Variants in MSH3 observed in about 807,000 individuals in gnomAD.
MSH3 encodes mutS homolog 3.
A neutral mutation model predicts 123.3 loss-of-function variants in MSH3; 106 were observed. The ratio of observed to expected loss-of-function variants is 0.86; its 90% confidence interval spans 0.73 to 1.01. MSH3 has a LOEUF of 1.01. Among genes scored for constraint, MSH3 ranks in the 50% least tolerant of loss-of-function variants. The pLI is 0.00. For missense variants in MSH3, 1,459 were observed against 1,347.6 expected (o/e 1.08, Z -1.29); for synonymous variants, 515 against 481.4 (o/e 1.07, Z -0.91).
chr5:80,851,693 T>C (rs1189744049), intron 20 of MSH3, among the ~76,000 whole-genome samples: 2 of 152,208 alleles, frequency 1.3e-5, no homozygotes, highest in African/African-American at 4.8e-5. Context: ...TTCATCTATA[T>C]AGCTTGGTAT....
chr5:80,831,228 G>A (rs148558969), intron 20 of MSH3, among the ~76,000 whole-genome samples: 17 of 152,258 alleles, frequency 1.1e-4, no homozygotes, highest in East Asian at 1.9e-4. Context: ...AGAATGATAC[G>A]ATATAATTCT....
chr5:80,662,014 A>G (rs1389090646), intron 2 of MSH3, among the ~76,000 whole-genome samples: 4 of 152,222 alleles, frequency 2.6e-5, no homozygotes, highest in Non-Finnish European at 5.9e-5. Context: ...GACATTAGTA[A>G]CATTAAGAAT....
intron 8 of MSH3, chr5:80,715,146 GAAT>G: frequency 6.6e-6 from 1 of 152,146 alleles, no homozygotes; most frequent in East Asian, 1.9e-4. Context: ...TTTAAAATGG[GAAT>G]AATGCCGCCC....
At chr5:80,699,735 T>G (rs961500849) in intron 8 of MSH3, among the ~76,000 whole-genome samples, 1 of 152,296 alleles carries the variant, frequency 6.6e-6, no homozygotes, top group South Asian at 2.1e-4. Flanking sequence ...CCATTATGTT[T>G]ATTTCTTTAA....
chr5:80,715,307 A>G (rs928735761), intron 8 of MSH3: 7 of 152,174 alleles, frequency 4.6e-5, no homozygotes, highest in Non-Finnish European at 8.8e-5. Context: ...TCCCATCCTC[A>G]TGGATCCTAG....
At chr5:80,688,407 T>C (rs1260579905) in intron 8 of MSH3, among the ~76,000 whole-genome samples, 1 of 152,248 alleles carries the variant, frequency 6.6e-6, no homozygotes, top group African/African-American at 2.4e-5. Flanking sequence ...AAAAGTATTA[T>C]CTAACATGAT....
chr5:80,773,378 G>A (rs1460261585), intron 15 of MSH3, among the ~76,000 whole-genome samples: 2 of 152,176 alleles, frequency 1.3e-5, no homozygotes, highest in African/African-American at 4.8e-5. Context: ...AGCCAAAGGA[G>A]GCTTGTTAGA....
chr5:80,685,765 C>T (rs1750074768), intron 8 of MSH3, among the ~76,000 whole-genome samples: 1 of 151,544 alleles, frequency 6.6e-6, no homozygotes, highest in Non-Finnish European at 1.5e-5. Flanking sequence ...GAAATGTTTC[C>T]TCTTTTTTCA....
At chr5:80,854,029 G>C in intron 20 of MSH3, 101 bp from the exon 21 acceptor site, 1 of 971,278 alleles carries the variant, frequency 1.0e-6, no homozygotes, top group Non-Finnish European at 1.6e-6. Flanking sequence ...AAAATATATA[G>C]ATTCTTAGTG....
At chr5:80,745,098 G>A (rs894328827) in intron 12 of MSH3, among the ~76,000 whole-genome samples, 2 of 152,190 alleles carry the variant, frequency 1.3e-5, no homozygotes, top group Non-Finnish European at 2.9e-5. Context: ...GCTTAGAAGA[G>A]TAGAGTGAGT....
At position 80,670,116 on chromosome 5, in the gene MSH3, T is replaced by G; in HGVS notation, c.599T>G (p.Leu200Arg). 1 of 1,614,138 alleles carries G rather than the reference T, an allele frequency of 6.2e-7. No homozygotes were observed. The highest frequency in any genetic ancestry group is 1.7e-5 in the Admixed American group (1 of 60,026). The change falls in exon 4 of 24, where the codon CTC becomes CGC. Residue 200 changes from leucine to arginine, a missense_variant. Transcript: ENST00000265081. ...TGCCAGGACACAACACTTTTTGATC[T>G]CAGTCAGTTTGGATCATCAAATACA... ...INQKDTTLFD[L>R]SQFGSSNTSH...
intron 20 of MSH3, among the ~76,000 whole-genome samples, chr5:80,838,918 A>G (rs905718544): frequency 3.9e-5 from 6 of 152,166 alleles, no homozygotes; most frequent in African/African-American, 1.2e-4. Flanking sequence ...TCCTTTTTCA[A>G]TGAGACAGCT....
intron 20 of MSH3, among the ~76,000 whole-genome samples, chr5:80,815,864 A>G (rs1745094901): frequency 6.6e-6 from 1 of 152,236 alleles, no homozygotes; most frequent in Non-Finnish European, 1.5e-5. Context: ...AGTGGTAATC[A>G]GAAAATAGTT....
chr5:80,844,217 G>C (rs1745677417), intron 20 of MSH3, among the ~76,000 whole-genome samples: 1 of 152,094 alleles, frequency 6.6e-6, no homozygotes, highest in Non-Finnish European at 1.5e-5. Flanking sequence ...TTTTGAGTGA[G>C]TTTCTTAATC....
chr5:80,824,626 G>C (rs1471102823), intron 20 of MSH3, among the ~76,000 whole-genome samples: 1 of 152,186 alleles, frequency 6.6e-6, no homozygotes, highest in Non-Finnish European at 1.5e-5. Context: ...AAATGTAACA[G>C]GTGTACTAGG....
At chr5:80,665,921 T>G (rs377646206) in intron 3 of MSH3, among the ~76,000 whole-genome samples, 190 of 152,342 alleles carry the variant, frequency 1.2e-3, no homozygotes, top group African/African-American at 4.4e-3. Flanking sequence ...TAGTGATTGG[T>G]TCGCAACCTT....
chr5:80,738,727 A>C (rs1171735934), intron 10 of MSH3, among the ~76,000 whole-genome samples: 2 of 152,188 alleles, frequency 1.3e-5, no homozygotes, highest in Non-Finnish European at 2.9e-5. Context: ...TTTCTTGATT[A>C]GTCTCATGCC....
intron 20 of MSH3, among the ~76,000 whole-genome samples, chr5:80,826,035 A>G (rs1473143298): frequency 6.6e-6 from 1 of 152,218 alleles, no homozygotes; most frequent in Admixed American, 6.5e-5. Context: ...AGGTGTGGAA[A>G]CAAATTTGGC....
chr5:80,737,902 A>G (rs1580595089), intron 10 of MSH3, among the ~76,000 whole-genome samples: 1 of 152,182 alleles, frequency 6.6e-6, no homozygotes, highest in Non-Finnish European at 1.5e-5. Context: ...ATTAAAATCA[A>G]TGTAGATATC....
Sources: gnomAD v4.1 joint callset for allele counts (sites outside exome capture counted in the v4.1 genomes callset) on GRCh38, gnomAD v4.1.1 for gene constraint, MANE v1.5 for transcripts, NCBI Gene and HGNC (gene_info 2026-07-23, HGNC 2026-07-21) for gene names.